Variants in KDM2A observed in about 807,000 individuals in gnomAD.
KDM2A encodes lysine-specific demethylase 2A.
KDM2A carries 3 observed loss-of-function variants against 137.3 expected under a neutral mutation model. The observed-to-expected ratio is 0.02, with a 90% CI of 0.01 to 0.06. The LOEUF (loss-of-function observed/expected upper bound fraction) is 0.06. Ranked by LOEUF, KDM2A falls within the 10% of genes least tolerant of loss-of-function variation. KDM2A has a pLI of 1.00. For synonymous variants in KDM2A, 512 were observed against 541.5 expected, an observed-to-expected ratio of 0.95 and a Z score of 0.76; for missense variants, 738 against 1,510.6, an observed-to-expected ratio of 0.49 and a Z score of 8.48.
chr11:67,168,995 G>A lies in KDM2A; in HGVS notation c.43-11084G>A, dbSNP rs1388989336. Reference sequence around the variant, plus strand: ...TTTTGAGATGGAGTCTCACTCTGTCGCACAGGCTGGAGTGTAGTGGTGTGA... The same window carrying A: ...TTTTGAGATGGAGTCTCACTCTGTCACACAGGCTGGAGTGTAGTGGTGTGA... On this transcript the variant is annotated intron_variant, in intron 2 of 20. Coordinates refer to ENST00000529006, the MANE Select transcript of KDM2A (RefSeq NM_012308.3). 8.2e-5 allele frequency among the ~76,000 whole-genome samples: 10 copies of A among 122,166 alleles called. No homozygotes were observed. In the East Asian group the frequency reaches 1.4e-3, roughly 17 times the overall value. 80.1% of individuals were successfully genotyped at this position (122,166 alleles called of 152,430 possible).
chr11:67,232,554 C>T (rs1261715265), intron 12 of KDM2A, among the ~76,000 whole-genome samples: 2 of 152,128 alleles, frequency 1.3e-5, no homozygotes, highest in East Asian at 3.9e-4. Context: ...ATTACATAGA[C>T]ATACATGTGC....
intron 2 of KDM2A, among the ~76,000 whole-genome samples, chr11:67,158,931 A>G (rs2136314725): frequency 6.6e-6 from 1 of 152,304 alleles, no homozygotes; most frequent in South Asian, 2.1e-4. Context: ...TTTATATAAA[A>G]TATGTGTTTT....
chr11:67,140,678 G>A (rs560179991), intron 2 of KDM2A, among the ~76,000 whole-genome samples: 50 of 152,156 alleles, frequency 3.3e-4, no homozygotes, highest in African/African-American at 9.2e-4. Flanking sequence ...GCTTGAACCC[G>A]TGAGGCGGAG....
chr11:67,258,048 T>C lies in KDM2A; in HGVS notation c.*2993T>C, dbSNP rs1174414130. The C allele has an allele frequency of 1.3e-5, 2 of 152,198 alleles. No homozygotes were observed. The highest frequency in any genetic ancestry group is 3.8e-4 in the East Asian group (2 of 5,200). 9.4% of individuals were successfully genotyped at this position (152,198 alleles called of 1,614,324 possible). The stretch of plus-strand genomic sequence containing the variant: ...TTGTTTTTGTTTGGGGGTTTTTGTT[T>C]TTTTAAAAAAATAAAAAGGCTTTAA... On this transcript the variant is annotated 3_prime_UTR_variant, in exon 21 of 21. Transcript: ENST00000529006.
At chr11:67,145,390 T>C (rs1481344631) in intron 2 of KDM2A, among the ~76,000 whole-genome samples, 1 of 151,884 alleles carries the variant, frequency 6.6e-6, no homozygotes, top group Non-Finnish European at 1.5e-5. Flanking sequence ...CTTGGGATGC[T>C]GAGGCAGGAG....
At chr11:67,148,352 T>G (rs868157919) in intron 2 of KDM2A, among the ~76,000 whole-genome samples, 1 of 151,714 alleles carries the variant, frequency 6.6e-6, no homozygotes, top group Non-Finnish European at 1.5e-5. Context: ...CCCCCGGAGG[T>G]TGAGGCTGCA....
intron 5 of KDM2A, among the ~76,000 whole-genome samples, chr11:67,183,085 A>G (rs1857125963): frequency 6.6e-6 from 1 of 152,100 alleles, no homozygotes; most frequent in African/African-American, 2.4e-5. Flanking sequence ...AAGTTCCCAA[A>G]TCTCTGTTTT....
chr11:67,222,273 C>G (rs1195080699), intron 10 of KDM2A, among the ~76,000 whole-genome samples: 1 of 84,180 alleles, frequency 1.2e-5, no homozygotes, highest in Non-Finnish European at 2.4e-5. Context: ...TTGGTGATGA[C>G]TCTTAACGAG....
chr11:67,170,310 GT>G (rs1209889922), intron 2 of KDM2A, among the ~76,000 whole-genome samples: 7 of 150,044 alleles, frequency 4.7e-5, no homozygotes, highest in Admixed American at 2.0e-4. Flanking sequence ...TAGAAATGTA[GT>G]GTCCCTTAAC....
intron 4 of KDM2A, 125 bp downstream of exon 4, chr11:67,181,523 A>G (rs1338479239): frequency 6.1e-6 from 4 of 659,010 alleles, no homozygotes; most frequent in Non-Finnish European, 1.0e-5. Flanking sequence ...ACTTTGTTTT[A>G]AAAGTATATG....
chr11:67,197,028 ATCT>A (rs1357037435), intron 5 of KDM2A: 8 of 152,942 alleles, frequency 5.2e-5, no homozygotes, highest in Non-Finnish European at 1.0e-4. Flanking sequence ...TTCCTCGGTA[ATCT>A]TCTTACTGCT....
At chr11:67,145,954 A>G (rs1856235165) in intron 2 of KDM2A, among the ~76,000 whole-genome samples, 1 of 145,280 alleles carries the variant, frequency 6.9e-6, no homozygotes. Flanking sequence ...TGTTTCTGGT[A>G]TATAAAATGC....
chr11:67,184,007 G>A (rs544646193), intron 5 of KDM2A, among the ~76,000 whole-genome samples: 1 of 150,420 alleles, frequency 6.6e-6, no homozygotes, highest in East Asian at 2.0e-4. Flanking sequence ...TACGTGGGGG[G>A]CAATTCCTTG....
intron 2 of KDM2A, among the ~76,000 whole-genome samples, chr11:67,124,511 G>A (rs1855672307): frequency 7.0e-6 from 1 of 143,508 alleles, no homozygotes; most frequent in African/African-American, 2.6e-5. Context: ...ACGGGGTTTC[G>A]CTATATTGGC....
chr11:67,124,267 G>A (rs953065533), intron 2 of KDM2A, among the ~76,000 whole-genome samples: 1 of 152,060 alleles, frequency 6.6e-6, no homozygotes, highest in Non-Finnish European at 1.5e-5. Flanking sequence ...GCCTCTCAAA[G>A]TGCTGGGATT....
intron 10 of KDM2A, 120 bp downstream of exon 10, chr11:67,219,523 G>T: frequency 2.1e-6 from 1 of 476,552 alleles, no homozygotes; most frequent in Non-Finnish European, 3.5e-6. Context: ...AAAATGCAGT[G>T]TTGACATTTT....
At chr11:67,142,595 G>T (rs892377610) in intron 2 of KDM2A, among the ~76,000 whole-genome samples, 1 of 150,010 alleles carries the variant, frequency 6.7e-6, no homozygotes, top group African/African-American at 2.4e-5. Context: ...GTTGGGGTTG[G>T]GGGGGCGTCA....
In KDM2A at chr11:67,136,000, C is replaced by T. The variant is rs957330750; in HGVS notation, c.42+14642C>T. Among the ~76,000 whole-genome samples the T allele has an allele frequency of 4.6e-5, 7 of 152,210 alleles. No homozygotes were observed. The South Asian group carries it at 1.0e-3, about 23-fold the overall frequency. The stretch of plus-strand genomic sequence containing the variant: ...GTTGCCTTTGTGTAACTATAATTAA[C>T]GTTACTAGTGTGTTTGTTTAATATC... On this transcript the variant is annotated intron_variant, in intron 2 of 20. Transcript: ENST00000529006.
chr11:67,163,765 A>T (rs1228715235), intron 2 of KDM2A, among the ~76,000 whole-genome samples: 1 of 151,854 alleles, frequency 6.6e-6, no homozygotes, highest in African/African-American at 2.4e-5. Context: ...TTGCAGCAGG[A>T]GAATCGCTTG....
Sources: allele counts gnomAD v4.1 joint callset (sites outside exome capture counted in the v4.1 genomes callset), GRCh38; gene constraint gnomAD v4.1.1; transcripts MANE v1.5; gene names NCBI Gene and HGNC (gene_info 2026-07-23, HGNC 2026-07-21).